Variants in PPEF1 observed in about 807,000 individuals in gnomAD.
PPEF1 encodes protein phosphatase with EF-hand domain 1.
A neutral mutation model predicts 53.3 loss-of-function variants in PPEF1; 12 were observed. The ratio of observed to expected loss-of-function variants is 0.23; its 90% confidence interval spans 0.14 to 0.36. The LOEUF is 0.36. Ranked by LOEUF, PPEF1 falls within the 10% of genes least tolerant of loss-of-function variation. The pLI is 1.00. For missense variants in PPEF1, 334 were observed against 490.4 expected (o/e 0.68, Z 3.01); for synonymous variants, 165 against 176.7 (o/e 0.93, Z 0.52).
chrX:18,733,837 G>A, intron 3 of PPEF1, 29 bp downstream of exon 3: 1 of 1,087,556 alleles, frequency 9.2e-7, no homozygotes, highest in South Asian at 2.1e-5. Context: ...CTTTTCAAAT[G>A]TGTCATTAAA....
At chrX:18,760,413 G>C (rs1258625392) in intron 5 of PPEF1, among the ~76,000 whole-genome samples, 1 of 110,906 alleles carries the variant, frequency 9.0e-6, no homozygotes, top group Non-Finnish European at 1.9e-5. Flanking sequence ...GCTGCTACTG[G>C]AGTATATTAA....
intron 9 of PPEF1, among the ~76,000 whole-genome samples, chrX:18,786,131 G>A (rs955999406): frequency 8.9e-6 from 1 of 112,171 alleles, no homozygotes; most frequent in African/African-American, 3.2e-5. Context: ...TGACTACAGT[G>A]CTAATCAGTC....
intron 1 of PPEF1, among the ~76,000 whole-genome samples, chrX:18,711,538 T>G (rs1396168697): frequency 8.9e-6 from 1 of 111,961 alleles, no homozygotes; most frequent in African/African-American, 3.2e-5. Context: ...GATTTTCACG[T>G]ATGGTGTGAG....
intron 1 of PPEF1, among the ~76,000 whole-genome samples, chrX:18,727,009 C>T (rs1178548880): frequency 8.9e-6 from 1 of 112,146 alleles, no homozygotes; most frequent in African/African-American, 3.2e-5. Flanking sequence ...ATAGAAGAGA[C>T]TTCAGTGATC....
intron 1 of PPEF1, among the ~76,000 whole-genome samples, chrX:18,677,372 A>G (rs1928716360): frequency 9.0e-6 from 1 of 111,627 alleles, no homozygotes; most frequent in Admixed American, 9.6e-5. Context: ...CATTTTTATC[A>G]CTTGCTTGTT....
upstream of PPEF1, among the ~76,000 whole-genome samples, chrX:18,675,693 A>G (rs1001062453): frequency 8.9e-6 from 1 of 112,397 alleles, no homozygotes; most frequent in African/African-American, 3.2e-5. Context: ...GGCCCAGTGC[A>G]AAATGAAGAT....
At chrX:18,688,714 A>G (rs192240464) in intron 3 of PPEF1, 2 of 112,788 alleles carry the variant, frequency 1.8e-5, no homozygotes, top group African/African-American at 6.4e-5. Flanking sequence ...TGAGTAAACC[A>G]TAAAAATTAA....
Position 18,727,959 on chromosome X carries a change from CTT to C in PPEF1, c.47-2221_47-2220del. 2.7e-5 allele frequency among the ~76,000 whole-genome samples: 3 copies of C among 111,689 alleles called. No individual in the cohort carries two copies. The East Asian group carries it at 8.5e-4, about 32-fold the overall frequency. ...CCGGAAGCTCACTGAACCCGGTTCTCTTGGGTTTTTATGAAGGCTTCAAGACA... is the reference window on the plus strand; with the variant it reads ...CCGGAAGCTCACTGAACCCGGTTCTCGGGTTTTTATGAAGGCTTCAAGACA... On this transcript the variant is annotated intron_variant, in intron 1 of 15. Transcript: ENST00000470157.
At chrX:18,693,172 A>G (rs1191378610) in intron 4 of PPEF1, among the ~76,000 whole-genome samples, 1 of 112,302 alleles carries the variant, frequency 8.9e-6, no homozygotes, top group Non-Finnish European at 1.9e-5. Flanking sequence ...AAAACTCGCT[A>G]CAGTGTCTCA....
At chrX:18,750,635 CAT>C (rs1182914770) in intron 4 of PPEF1, among the ~76,000 whole-genome samples, 5 of 111,755 alleles carry the variant, frequency 4.5e-5, no homozygotes, top group African/African-American at 6.5e-5. Flanking sequence ...TTCATATAAA[CAT>C]GTGTTCTCAG....
In PPEF1 at chrX:18,707,763, A is replaced by G. The variant is rs767315277; in HGVS notation, c.-18A>G. 2 of 1,202,950 alleles carry G rather than the reference A, an allele frequency of 1.7e-6. No individual in the cohort carries two copies. The highest frequency in any genetic ancestry group is 2.3e-6 in the Non-Finnish European group (2 of 887,674). ...TCAGAAGTTGAATTCATGAACACATATGATTTAGATAGAAGTCATGGGATG... is the reference window on the plus strand; with the variant it reads ...TCAGAAGTTGAATTCATGAACACATGTGATTTAGATAGAAGTCATGGGATG... On this transcript the variant is annotated 5_prime_UTR_variant, in exon 1 of 16. It adds an upstream start codon to the 5' untranslated region. Transcript: ENST00000470157.
intron 10 of PPEF1, among the ~76,000 whole-genome samples, chrX:18,791,404 C>T (rs1346555017): frequency 2.7e-5 from 3 of 111,951 alleles, no homozygotes; most frequent in South Asian, 3.7e-4. Flanking sequence ...TCAGTATACA[C>T]GTCTTGCTCT....
Position 18,771,160 on chromosome X carries a change from A to G in PPEF1, c.559-7850A>G, listed in dbSNP as rs759847786. 7.1e-5 allele frequency among the ~76,000 whole-genome samples: 8 copies of G among 112,353 alleles called. No individual in the cohort carries two copies. In the East Asian group the frequency reaches 2.2e-3, roughly 31 times the overall value. Reference sequence around the variant, plus strand: ...GAAATGGATGATTTTCAAGGAAATCATAAAATTGGTTCAAAGAAAGAACCA... The same window carrying G: ...GAAATGGATGATTTTCAAGGAAATCGTAAAATTGGTTCAAAGAAAGAACCA... On this transcript the variant is annotated intron_variant, in intron 6 of 15. Transcript: ENST00000470157.
At chrX:18,817,436 G>A (rs979503901) in intron 12 of PPEF1, among the ~76,000 whole-genome samples, 3 of 110,511 alleles carry the variant, frequency 2.7e-5, no homozygotes, top group African/African-American at 9.9e-5. Flanking sequence ...CCGCCTCCTG[G>A]GTTCAAGCAA....
intron 9 of PPEF1, among the ~76,000 whole-genome samples, chrX:18,788,032 C>T (rs760466736): frequency 8.9e-6 from 1 of 111,970 alleles, no homozygotes; most frequent in South Asian, 3.7e-4. Context: ...AAACTAAGTG[C>T]TTGGCCGGGT....
intron 3 of PPEF1, among the ~76,000 whole-genome samples, chrX:18,747,357 G>A (rs1434798021): frequency 8.9e-6 from 1 of 112,096 alleles, no homozygotes; most frequent in African/African-American, 3.2e-5. Flanking sequence ...AGGGTGTGGG[G>A]AACAGCTCCA....
At chrX:18,791,584 T>A in intron 10 of PPEF1, among the ~76,000 whole-genome samples, 1 of 112,349 alleles carries the variant, frequency 8.9e-6, no homozygotes, top group African/African-American at 3.2e-5. Context: ...TGGTTTTTAG[T>A]GGATTTCTTG....
chrX:18,726,750 C>T (rs1350974208), intron 1 of PPEF1, among the ~76,000 whole-genome samples: 1 of 109,659 alleles, frequency 9.1e-6, no homozygotes, highest in African/African-American at 3.3e-5. Flanking sequence ...CAACCTCCGT[C>T]TCCTAGGTTC....
At chrX:18,721,074 A>C (rs937061511) in intron 1 of PPEF1, among the ~76,000 whole-genome samples, 18 of 111,604 alleles carry the variant, frequency 1.6e-4, no homozygotes, top group African/African-American at 5.9e-4. Context: ...GTGCATTTTT[A>C]TTACATGGAT....
Sources: allele counts gnomAD v4.1 joint callset (sites outside exome capture counted in the v4.1 genomes callset), GRCh38; gene constraint gnomAD v4.1.1; transcripts MANE v1.5; gene names NCBI Gene and HGNC (gene_info 2026-07-23, HGNC 2026-07-21).